Variants in PLEKHH2 observed in about 807,000 individuals in gnomAD.
PLEKHH2 encodes pleckstrin homology domain-containing family H member 2.
Under a neutral mutation model 187.9 loss-of-function variants are expected in PLEKHH2, and 129 were observed. The ratio of observed to expected loss-of-function variants is 0.69; its 90% CI spans 0.59 to 0.79. The LOEUF (loss-of-function observed/expected upper bound fraction) is 0.79. PLEKHH2 is among the 30% of genes least tolerant of loss of function. PLEKHH2 has a pLI of 0.00. For missense variants in PLEKHH2, 2,076 were observed against 1,751.2 expected, an observed-to-expected ratio of 1.19 and a Z score of -3.31; for synonymous variants, 686 against 605.6, an observed-to-expected ratio of 1.13 and a Z score of -1.95.
chr2:43,754,624 C>A (rs1672141016), intron 25 of PLEKHH2, among the ~76,000 whole-genome samples: 2 of 152,184 alleles, frequency 1.3e-5, no homozygotes, highest in African/African-American at 4.8e-5. Context: ...TAAGATGCAA[C>A]CCATAGTCTC....
intron 17 of PLEKHH2, among the ~76,000 whole-genome samples, chr2:43,728,546 T>G (rs1670884094): frequency 6.7e-6 from 1 of 148,556 alleles, no homozygotes; most frequent in South Asian, 2.1e-4. Context: ...ATGTATAGTT[T>G]GTTCAACACA....
chr2:43,745,866 A>G lies in PLEKHH2; in HGVS notation c.3556A>G (p.Ile1186Val), dbSNP rs553169093. The part of the protein sequence containing the change: ...LEHCLQGNIK[I>V]CDIISKWEQA... ...TCTCAGTTTTCCACTTCCTTTCTAG[A>G]TTTGTGACATTATTTCCAAATGGGA... The change falls in exon 24 of 30, where the codon ATT becomes GTT. Residue 1186 changes from isoleucine to valine, a missense_variant and splice_region_variant. Coordinates refer to ENST00000282406, the MANE Select transcript of PLEKHH2 (RefSeq NM_172069.4). The G allele has an allele frequency of 5.0e-6, 8 of 1,602,976 alleles. No homozygotes were observed. The Admixed American group carries it at 1.0e-4, about 20-fold the overall frequency.
chr2:43,677,905 GGGGCGGCTGGCCGGGCGGGGGGCT>G, intron 2 of PLEKHH2, among the ~76,000 whole-genome samples: 1 of 43,260 alleles, frequency 2.3e-5, no homozygotes, highest in Non-Finnish European at 6.3e-5. Flanking sequence ...CCTCCAGGAC[GGGGCGGCTGGCCGGGCGGGGGGCT>G]GATCCCCCCA....
rs747158195 is a variant in PLEKHH2, at chr2:43,743,982, A to G, written c.3548A>G (p.Asn1183Ser). 8.1e-6 allele frequency: 13 copies of G among 1,613,388 alleles called. No homozygotes were observed. The highest frequency in any genetic ancestry group is 1.7e-5 in the Admixed American group (1 of 60,000). ...GRDLEHCLQG[N>S]IKICDIISKW... Reference sequence around the variant, plus strand: ...GATTTAGAGCATTGTCTTCAAGGAAACATCAAGGTGAAACCAAGTCCTTTT... The same window carrying G: ...GATTTAGAGCATTGTCTTCAAGGAAGCATCAAGGTGAAACCAAGTCCTTTT... Residue 1183 changes from asparagine to serine, a missense_variant, in exon 23 of 30, where the codon AAC becomes AGC. Transcript: ENST00000282406.
rs374136173 is a variant in PLEKHH2, at chr2:43,707,537, T to A, written c.1958T>A (p.Met653Lys). Residue 653 changes from methionine (M) to lysine (K), a missense_variant, in exon 11 of 30, where the codon ATG (methionine) becomes AAG (lysine). Coordinates refer to ENST00000282406, the MANE Select transcript of PLEKHH2 (RefSeq NM_172069.4). ...SRSGPGSPRA[M>K]KRGVSLSSVA... ...AGTGGGCCAGGCAGCCCCAGAGCCATGAAACGAGGTGAGGGAAAATCGCAG... is the reference window on the plus strand; with the variant it reads ...AGTGGGCCAGGCAGCCCCAGAGCCAAGAAACGAGGTGAGGGAAAATCGCAG... 14 of 1,613,660 alleles carry A rather than the reference T, an allele frequency of 8.7e-6. No homozygotes were observed. Among genetic ancestry groups the A allele is most frequent in the Non-Finnish European group, 1.2e-5 (14 of 1,179,816 alleles).
In PLEKHH2 at chr2:43,700,367, G is replaced by A; in HGVS notation, c.1409G>A (p.Gly470Asp). 2 of 1,614,108 alleles carry A rather than the reference G, an allele frequency of 1.2e-6. No homozygotes were observed. Among genetic ancestry groups the A allele is most frequent in the South Asian group, 1.1e-5 (1 of 91,066 alleles). Reference protein sequence around the residue: ...QPQLSSDRMFGTNRNAISMIR... With the variant: ...QPQLSSDRMFDTNRNAISMIR... ...CAGTTAAGCTCTGACAGGATGTTTG[G>A]TACAAATAGAAACGCTATAAGCATG... The change falls in exon 8 of 30, where the codon GGT (glycine) becomes GAT (aspartate). Residue 470 changes from glycine (G) to aspartate (D), a missense_variant. Gly to Asp is a moderately conservative substitution (Grantham distance 94, BLOSUM62 -1). Coordinates refer to ENST00000282406, the MANE Select transcript of PLEKHH2 (RefSeq NM_172069.4).
intron 1 of PLEKHH2, among the ~76,000 whole-genome samples, chr2:43,641,565 T>G (rs1285509286): frequency 6.6e-6 from 1 of 152,108 alleles, no homozygotes; most frequent in Admixed American, 6.5e-5. Context: ...CTCAAGACAA[T>G]TCTTCTTCTA....
intron 14 of PLEKHH2, 145 bp downstream of exon 14, chr2:43,710,720 G>C: frequency 7.0e-7 from 1 of 1,421,974 alleles, no homozygotes; most frequent in Non-Finnish European, 9.2e-7. Context: ...GGAAGTATGT[G>C]AAACTCCACG....
chr2:43,762,514 C>G (rs1440253746), intron 28 of PLEKHH2, 124 bp downstream of exon 28: 6 of 697,854 alleles, frequency 8.6e-6, no homozygotes, highest in Non-Finnish European at 9.9e-6. Context: ...CTTCCTAATA[C>G]TATGTCATGA....
intron 14 of PLEKHH2, 67 bp from the exon 15 acceptor site, chr2:43,712,158 C>G: frequency 1.3e-6 from 2 of 1,545,148 alleles, no homozygotes; most frequent in Non-Finnish European, 1.8e-6. Context: ...GAATAATGAA[C>G]AAGGAAATGC....
intron 4 of PLEKHH2, among the ~76,000 whole-genome samples, chr2:43,693,050 C>T (rs1386371949): frequency 6.6e-6 from 1 of 152,188 alleles, no homozygotes; most frequent in Non-Finnish European, 1.5e-5. Flanking sequence ...GCCTCAGCCT[C>T]CCGAGTAGCT....
chr2:43,694,354 C>A (rs1668985749), intron 4 of PLEKHH2, 77 bp from the exon 5 acceptor site: 4 of 1,438,302 alleles, frequency 2.8e-6, no homozygotes, highest in Non-Finnish European at 1.9e-6. Flanking sequence ...GTGGATATGC[C>A]TTGTATATTT....
intron 3 of PLEKHH2, among the ~76,000 whole-genome samples, chr2:43,687,771 C>A (rs571115091): frequency 2.0e-5 from 3 of 152,002 alleles, no homozygotes; most frequent in Admixed American, 6.6e-5. Flanking sequence ...TGTTTCTTGG[C>A]TGCCTGTATA....
At position 43,638,785 on chromosome 2, in the gene PLEKHH2, G is replaced by A. The variant is rs190934278; in HGVS notation, c.-4+1406G>A. On this transcript the variant is annotated intron_variant, in intron 1 of 29. Coordinates refer to ENST00000282406, the MANE Select transcript of PLEKHH2 (RefSeq NM_172069.4). The stretch of plus-strand genomic sequence containing the variant: ...AGAATTTTTAACTACCCAAGATGGT[G>A]CACTAATACAACAGTTGCTTTGTAC... Among the ~76,000 whole-genome samples the A allele has an allele frequency of 2.9e-3, 435 of 149,334 alleles. 2 individuals carry two copies. Among genetic ancestry groups the A allele is most frequent in the Middle Eastern group, 7.0e-3 (2 of 286 alleles).
At position 43,700,600 on chromosome 2, in the gene PLEKHH2, C is replaced by T. The variant is rs1223471916; in HGVS notation, c.1642C>T (p.Pro548Ser). The change falls in exon 8 of 30, where the codon CCT (proline) becomes TCT (serine). Residue 548 changes from proline (P) to serine (S), a missense_variant. Pro to Ser is a moderately conservative substitution (Grantham distance 74, BLOSUM62 -1). Transcript: ENST00000282406. ...KPPTPPLHRF[P>S]SWESRIYAVA... ...TCCAACTCCTCCCCTGCACCGTTTT[C>T]CTTCTTGGGTAATTATATCACCGCA... 5 of 1,605,540 alleles carry T rather than the reference C, an allele frequency of 3.1e-6. No individual in the cohort carries two copies. The South Asian group carries it at 5.5e-5, about 18-fold the overall frequency.
chr2:43,752,616 G>A (rs967563600), intron 24 of PLEKHH2, among the ~76,000 whole-genome samples: 1 of 152,194 alleles, frequency 6.6e-6, no homozygotes, highest in African/African-American at 2.4e-5. Context: ...AACAGTTACT[G>A]TATCTAAATC....
In PLEKHH2 at chr2:43,740,955, C is replaced by T. The variant is rs201196556; in HGVS notation, c.3133C>T (p.Leu1045Phe). Residue 1045 changes from leucine to phenylalanine, a missense_variant, in exon 21 of 30, where the codon CTC (leucine) becomes TTC (phenylalanine). Leu to Phe is a conservative substitution (Grantham distance 22). Transcript: ENST00000282406. Reference protein sequence around the residue: ...NQPGPLQGWQLLALCVGLFLP... With the variant: ...NQPGPLQGWQFLALCVGLFLP... Reference sequence around the variant, plus strand: ...GCTTCTCCCTGCCCAGGGCTGGCAGCTCTTGGCACTCTGCGTTGGGCTCTT... The same window carrying T: ...GCTTCTCCCTGCCCAGGGCTGGCAGTTCTTGGCACTCTGCGTTGGGCTCTT... 364 of 1,613,746 alleles carry T rather than the reference C, an allele frequency of 2.3e-4. No individual in the cohort carries two copies. The highest frequency in any genetic ancestry group is 2.9e-4 in the Non-Finnish European group (345 of 1,179,852).
chr2:43,729,354 T>C (rs1489171228), intron 17 of PLEKHH2, among the ~76,000 whole-genome samples: 3 of 152,206 alleles, frequency 2.0e-5, no homozygotes, highest in Non-Finnish European at 2.9e-5. Flanking sequence ...TATCAGCTGG[T>C]TGTATTTAGT....
chr2:43,728,810 G>C (rs1334266865), intron 17 of PLEKHH2, among the ~76,000 whole-genome samples: 4 of 151,904 alleles, frequency 2.6e-5, no homozygotes, highest in African/African-American at 9.7e-5. Flanking sequence ...GATCCACCCG[G>C]CTTGGCCTCT....
Sources: allele counts gnomAD v4.1 joint callset (sites outside exome capture counted in the v4.1 genomes callset), GRCh38; gene constraint gnomAD v4.1.1; transcripts MANE v1.5; gene names NCBI Gene and HGNC (gene_info 2026-07-23, HGNC 2026-07-21).